TNIK: variants seen among roughly 807,000 people sequenced by gnomAD.
TNIK encodes TRAF2 and NCK-interacting protein kinase.
Under a neutral mutation model 191.3 loss-of-function variants are expected in TNIK, and 49 were observed. That is an observed-to-expected ratio of 0.26 (90% confidence interval 0.20 to 0.32). The LOEUF (loss-of-function observed/expected upper bound fraction) is 0.32, where lower values mean the gene tolerates loss of function less well. TNIK is among the 10% of genes least tolerant of loss of function. The pLI is 1.00. For missense variants in TNIK, 1,155 were observed against 1,702.3 expected (o/e 0.68, Z 5.66); for synonymous variants, 594 against 600.9 (o/e 0.99, Z 0.17).
At chr3:171,270,112 G>A (rs1748897136) in intron 2 of TNIK, among the ~76,000 whole-genome samples, 1 of 152,092 alleles carries the variant, frequency 6.6e-6, no homozygotes, top group Non-Finnish European at 1.5e-5. Flanking sequence ...CTTGGAAACT[G>A]TGAAGATAAT....
intron 7 of TNIK, 116 bp downstream of exon 7, chr3:171,188,586 G>A: frequency 3.0e-6 from 4 of 1,314,238 alleles, no homozygotes; most frequent in Admixed American, 2.6e-5. Context: ...CTCAAATAAT[G>A]TTTTTCAGTT....
chr3:171,149,947 T>C (rs966806527), intron 12 of TNIK, among the ~76,000 whole-genome samples: 10 of 152,204 alleles, frequency 6.6e-5, no homozygotes, highest in African/African-American at 2.4e-4. Context: ...TTCTCAGCAG[T>C]GCTGATGTGT....
At chr3:171,429,196 GTTATT>G (rs1190245948) in intron 1 of TNIK, among the ~76,000 whole-genome samples, 1 of 152,098 alleles carries the variant, frequency 6.6e-6, no homozygotes, top group African/African-American at 2.4e-5. Context: ...AGCAAGCTGC[GTTATT>G]TTAACTGCCC....
At chr3:171,074,711 C>T (rs1292220308) in intron 28 of TNIK, among the ~76,000 whole-genome samples, 4 of 151,808 alleles carry the variant, frequency 2.6e-5, no homozygotes, top group African/African-American at 9.7e-5. Flanking sequence ...CTTTTTTATT[C>T]TCATTTTATA....
chr3:171,407,841 CA>C (rs1721901656), intron 1 of TNIK, among the ~76,000 whole-genome samples: 1 of 152,168 alleles, frequency 6.6e-6, no homozygotes, highest in Non-Finnish European at 1.5e-5. Context: ...ATTCAAGAAT[CA>C]GAAGTATCAT....
At chr3:171,407,342 A>G (rs989062104) in intron 1 of TNIK, among the ~76,000 whole-genome samples, 3 of 152,214 alleles carry the variant, frequency 2.0e-5, no homozygotes, top group Admixed American at 2.0e-4. Flanking sequence ...GTAAGATTCT[A>G]TTAACCTTCC....
At chr3:171,188,634 T>A in intron 7 of TNIK, 68 bp downstream of exon 7, 2 of 1,578,332 alleles carry the variant, frequency 1.3e-6, no homozygotes, top group Non-Finnish European at 1.7e-6. Context: ...TATAAGGGCA[T>A]GTAAGACTTT....
intron 1 of TNIK, among the ~76,000 whole-genome samples, chr3:171,443,447 G>A (rs564744681): frequency 1.3e-4 from 20 of 152,310 alleles, no homozygotes; most frequent in Admixed American, 1.1e-3. Flanking sequence ...ACCACCACTA[G>A]AAAGGAAACT....
intron 3 of TNIK, among the ~76,000 whole-genome samples, chr3:171,218,559 T>C (rs1008363779): frequency 2.0e-5 from 3 of 150,610 alleles, no homozygotes; most frequent in Non-Finnish European, 4.4e-5. Context: ...GTATAAACAG[T>C]GTACTTTATA....
At chr3:171,126,898 G>A (rs1483185551) in intron 16 of TNIK, among the ~76,000 whole-genome samples, 2 of 152,254 alleles carry the variant, frequency 1.3e-5, no homozygotes, top group East Asian at 1.9e-4. Context: ...GTCTTTCAGC[G>A]AAGTTGTGGC....
chr3:171,171,020 C>G (rs1027572634), intron 9 of TNIK, among the ~76,000 whole-genome samples: 1 of 152,066 alleles, frequency 6.6e-6, no homozygotes, highest in Non-Finnish European at 1.5e-5. Context: ...CCACTGTACA[C>G]TAGCCTGGGT....
chr3:171,413,861 C>T (rs1282510511), intron 1 of TNIK, among the ~76,000 whole-genome samples: 3 of 152,162 alleles, frequency 2.0e-5, no homozygotes, highest in African/African-American at 7.2e-5. Flanking sequence ...TTCTCCAAAT[C>T]GTAGTTCCTT....
intron 8 of TNIK, among the ~76,000 whole-genome samples, 153 bp from the exon 9 acceptor site, chr3:171,175,483 A>G (rs555417735): frequency 1.3e-5 from 2 of 152,350 alleles, no homozygotes; most frequent in East Asian, 3.9e-4. Flanking sequence ...GCTTCTGAGC[A>G]TTTGAAAGAT....
intron 2 of TNIK, among the ~76,000 whole-genome samples, chr3:171,278,166 G>A (rs1451711429): frequency 6.6e-6 from 1 of 152,188 alleles, no homozygotes; most frequent in African/African-American, 2.4e-5. Context: ...TGTAAAAGGG[G>A]ATTTGTGGGC....
intron 25 of TNIK, 61 bp from the exon 26 acceptor site, chr3:171,084,386 G>A (rs185006787): frequency 3.4e-4 from 523 of 1,525,668 alleles, no homozygotes; most frequent in Admixed American, 1.6e-3. Context: ...TGGAGATGGG[G>A]CTTCAAAACA....
At chr3:171,096,246 G>A (rs1337027871) in intron 22 of TNIK, among the ~76,000 whole-genome samples, 1 of 151,974 alleles carries the variant, frequency 6.6e-6, no homozygotes, top group Non-Finnish European at 1.5e-5. Context: ...TGCTTCCTCT[G>A]TTACCTGAAT....
At chr3:171,404,899 C>G (rs1210249320) in intron 1 of TNIK, among the ~76,000 whole-genome samples, 1 of 152,148 alleles carries the variant, frequency 6.6e-6, no homozygotes, top group Non-Finnish European at 1.5e-5. Context: ...TATAACACAT[C>G]AGCTTGATTC....
At chr3:171,306,412 T>C (rs1753461125) in intron 2 of TNIK, among the ~76,000 whole-genome samples, 1 of 152,158 alleles carries the variant, frequency 6.6e-6, no homozygotes, top group South Asian at 2.1e-4. Context: ...TTCATATGGA[T>C]ATTCATTCGG....
At chr3:171,294,022 C>T (rs1306903966) in intron 2 of TNIK, among the ~76,000 whole-genome samples, 3 of 152,092 alleles carry the variant, frequency 2.0e-5, no homozygotes, top group Non-Finnish European at 4.4e-5. Flanking sequence ...GTCAGGAGTT[C>T]AAGACCAGTC....
Sources: allele counts gnomAD v4.1 joint callset (sites outside exome capture counted in the v4.1 genomes callset), GRCh38; gene constraint gnomAD v4.1.1; transcripts MANE v1.5; gene names NCBI Gene and HGNC (gene_info 2026-07-23, HGNC 2026-07-21).